The following DMD variants were observed in gnomAD, a reference collection of about 807,000 sequenced individuals.
DMD encodes the protein mutant dystrophin.
Under a neutral mutation model 330.1 loss-of-function variants are expected in DMD, and 63 were observed. The observed-to-expected ratio is 0.19, with a 90% confidence interval of 0.16 to 0.24. DMD has a LOEUF of 0.24. Ranked by LOEUF, DMD falls within the 10% of genes least tolerant of loss-of-function variation. The pLI is 1.00. For synonymous variants in DMD, 1,223 were observed against 959.8 expected (o/e 1.27, Z -5.07); for missense variants, 3,344 against 2,684.1 (o/e 1.25, Z -5.43).
intron 44 of DMD, among the ~76,000 whole-genome samples, chrX:32,115,535 G>C (rs552864090): frequency 2.7e-5 from 3 of 111,410 alleles, no homozygotes; most frequent in African/African-American, 9.8e-5. Context: ...GAGCCACTGT[G>C]TCCGGCCAAC....
chrX:31,854,397 G>A (rs56119521), intron 48 of DMD, among the ~76,000 whole-genome samples: 5,574 of 111,538 alleles, frequency 0.05, 158 homozygotes, highest in Non-Finnish European at 0.079. Flanking sequence ...AGGATGAAAT[G>A]ATTTAGTACA....
chrX:33,117,080 T>A (rs201783508), intron 1 of DMD, among the ~76,000 whole-genome samples: 4 of 101,919 alleles, frequency 3.9e-5, no homozygotes, highest in Non-Finnish European at 8.0e-5. Flanking sequence ...ATATATATAT[T>A]TTTTAACATA....
At chrX:31,849,445 C>T (rs1199110042) in intron 48 of DMD, among the ~76,000 whole-genome samples, 6 of 110,604 alleles carry the variant, frequency 5.4e-5, no homozygotes, top group African/African-American at 9.9e-5. Flanking sequence ...AGGCTGGGAG[C>T]AGAAACAGCT....
chrX:32,661,175 C>T (rs2060919637), intron 9 of DMD, among the ~76,000 whole-genome samples: 1 of 111,359 alleles, frequency 9.0e-6, no homozygotes, highest in African/African-American at 3.3e-5. Context: ...CCCAGTTCAT[C>T]GTGTGTATCT....
chrX:31,891,079 C>T (rs181636939), intron 47 of DMD, among the ~76,000 whole-genome samples: 4,782 of 111,288 alleles, frequency 0.043, 255 homozygotes, highest in African/African-American at 0.15. Context: ...ATCCCTGGAA[C>T]TTTTAACCTT....
chrX:32,740,320 T>C (rs1413478941), intron 7 of DMD, among the ~76,000 whole-genome samples: 1 of 110,234 alleles, frequency 9.1e-6, no homozygotes, highest in African/African-American at 3.3e-5. Flanking sequence ...CATAATGTAG[T>C]GTATCCTGAT....
chrX:31,961,319 T>C (rs1408342667), intron 45 of DMD, among the ~76,000 whole-genome samples: 1 of 112,093 alleles, frequency 8.9e-6, no homozygotes, highest in Non-Finnish European at 1.9e-5. Context: ...TTTAGATCTA[T>C]TTTTAATCTA....
At position 31,679,857 on chromosome X, in the gene DMD, T is replaced by C. The variant is rs140382308; in HGVS notation, c.7661-271A>G. On this transcript the variant is annotated intron_variant, in intron 52 of 78. Transcript: ENST00000357033. ...CTTGATCCCTAGAACCAAATATGAA[T>C]CATCTGTTAGAAAAGCACTACAGCA... 7.7e-3 allele frequency among the ~76,000 whole-genome samples: 862 copies of C among 111,956 alleles called. 7 individuals carry two copies. The highest frequency in any genetic ancestry group is 0.026 in the African/African-American group (808 of 30,794).
At chrX:32,729,247 T>C (rs1477625009) in intron 7 of DMD, among the ~76,000 whole-genome samples, 1 of 111,895 alleles carries the variant, frequency 8.9e-6, no homozygotes, top group African/African-American at 3.2e-5. Flanking sequence ...ATAAAGATAT[T>C]CCAAACTGAA....
At position 32,707,614 on chromosome X, in the gene DMD, G is replaced by A. The variant is rs751657512; in HGVS notation, c.650-8321C>T. On this transcript the variant is annotated intron_variant, in intron 7 of 78. Transcript: ENST00000357033. ...TTAAATTTTCAATTTCCAAATGCAGGAAATTTTCAAAATTGTCTCTTCCGT... is the reference window on the plus strand; with the variant it reads ...TTAAATTTTCAATTTCCAAATGCAGAAAATTTTCAAAATTGTCTCTTCCGT... Among the ~76,000 whole-genome samples the A allele has an allele frequency of 1.2e-3, 134 of 111,868 alleles. 1 individual carries two copies. Among genetic ancestry groups the A allele is most frequent in the Non-Finnish European group, 2.3e-3 (121 of 53,158 alleles).
chrX:31,673,007 A>G (rs1047362395), intron 53 of DMD, among the ~76,000 whole-genome samples: 8 of 112,570 alleles, frequency 7.1e-5, no homozygotes, highest in Admixed American at 2.8e-4. Flanking sequence ...AAGTCGGGCC[A>G]AATAAAGGCA....
intron 17 of DMD, among the ~76,000 whole-genome samples, chrX:32,537,327 T>C (rs2048083023): frequency 9.0e-6 from 1 of 111,256 alleles, no homozygotes; most frequent in African/African-American, 3.3e-5. Context: ...ATATAGGTGA[T>C]GATAAAGATT....
At position 33,022,035 on chromosome X, in the gene DMD, G is replaced by A. The variant is rs940329346; in HGVS notation, c.32-1835C>T. ...CATCTTCATAGACTTTATGGAGGAA[G>A]ATTGGTCAACGCATCATTTATCAGT... is the stretch of plus-strand genomic sequence containing the variant. On this transcript the variant is annotated intron_variant, in intron 1 of 78. Coordinates refer to ENST00000357033, the MANE Select transcript of DMD (RefSeq NM_004006.3). Among the ~76,000 whole-genome samples the A allele has an allele frequency of 3.6e-5, 4 of 111,727 alleles. No individual in the cohort carries two copies. In the Admixed American group the frequency reaches 3.8e-4, roughly 11 times the overall value.
intron 7 of DMD, among the ~76,000 whole-genome samples, chrX:32,784,430 TTA>T (rs2075177323): frequency 8.9e-6 from 1 of 112,007 alleles, no homozygotes; most frequent in Non-Finnish European, 1.9e-5. Context: ...TGACTTTTGC[TTA>T]TGTTAGCTCA....
At chrX:31,812,941 A>G (rs930809902) in intron 50 of DMD, among the ~76,000 whole-genome samples, 1 of 112,569 alleles carries the variant, frequency 8.9e-6, no homozygotes, top group Non-Finnish European at 1.9e-5. Flanking sequence ...ACCCTGAGAC[A>G]AGGATTTAAA....
intron 1 of DMD, among the ~76,000 whole-genome samples, chrX:33,224,345 G>A (rs953327929): frequency 1.8e-5 from 2 of 111,742 alleles, no homozygotes; most frequent in East Asian, 5.6e-4. Context: ...TTCTTCAGTA[G>A]GTGAATGGAT....
intron 7 of DMD, among the ~76,000 whole-genome samples, chrX:32,730,528 T>G (rs2067453059): frequency 8.9e-6 from 1 of 111,918 alleles, no homozygotes; most frequent in African/African-American, 3.3e-5. Context: ...AGTGTCTTCC[T>G]AGGCAATAGG....
chrX:31,516,290 A>C (rs1486151281), intron 55 of DMD, among the ~76,000 whole-genome samples: 2 of 109,646 alleles, frequency 1.8e-5, no homozygotes, highest in East Asian at 2.8e-4. Context: ...AAAAAAAAAA[A>C]AAAAAAACCC....
At chrX:33,282,843 G>A (rs1603428058) in intron 1 of DMD, among the ~76,000 whole-genome samples, 1 of 111,886 alleles carries the variant, frequency 8.9e-6, no homozygotes, top group African/African-American at 3.3e-5. Context: ...ATGACAGGTG[G>A]GGGTCCCCAT....
Sources: allele counts gnomAD v4.1 joint callset (sites outside exome capture counted in the v4.1 genomes callset), GRCh38; gene constraint gnomAD v4.1.1; transcripts MANE v1.5; gene names NCBI Gene and HGNC (gene_info 2026-07-23, HGNC 2026-07-21).